Variants in NPVF observed in about 807,000 individuals in gnomAD.
NPVF encodes the protein pro-FMRFamide-related neuropeptide VF.
NPVF carries 17 observed loss-of-function variants against 15.7 expected under a neutral mutation model. That is an observed-to-expected ratio of 1.08 (90% CI 0.74 to 1.62). The LOEUF (loss-of-function observed/expected upper bound fraction) is 1.62, where lower values mean the gene tolerates loss of function less well. NPVF is among the 40% of genes most tolerant of loss of function. NPVF has a pLI of 0.00. For missense variants in NPVF, 270 were observed against 225.2 expected, an observed-to-expected ratio of 1.20 and a Z score of -1.27; for synonymous variants, 70 against 80.1, an observed-to-expected ratio of 0.87 and a Z score of 0.67.
At position 25,226,975 on chromosome 7, in the gene NPVF, C is replaced by A; in HGVS notation, c.190G>T (p.Asp64Tyr). ...ERSLNFEELKDWGPKNVIKMS... is the reference protein window; with the variant it reads ...ERSLNFEELKYWGPKNVIKMS... ...TTAATAACATTTTTTGGTCCCCAAT[C>A]TTTTAATTCCTCAAAATTGAGGCTT... The change falls in exon 2 of 3, where the codon GAT (aspartate) becomes TAT (tyrosine). Residue 64 changes from aspartate (D) to tyrosine (Y), a missense_variant. By Grantham distance (160) the Asp-to-Tyr change is radical. Transcript: ENST00000222674. The A allele has an allele frequency of 6.2e-7, 1 of 1,613,950 alleles. No homozygotes were observed. The highest frequency in any genetic ancestry group is 8.5e-7 in the Non-Finnish European group (1 of 1,179,930).
At chr7:25,225,969 G>T (rs540819720) in intron 2 of NPVF, among the ~76,000 whole-genome samples, 4 of 152,244 alleles carry the variant, frequency 2.6e-5, no homozygotes, top group African/African-American at 9.6e-5. Flanking sequence ...TCTCAGATAA[G>T]GTGACACAAT....
At chr7:25,228,245 T>C in intron 1 of NPVF, 57 bp downstream of exon 1, 2 of 1,148,574 alleles carry the variant, frequency 1.7e-6, no homozygotes, top group Non-Finnish European at 2.6e-6. Context: ...TCATTAGACT[T>C]AGGATTAATA....
chr7:25,228,197 C>G, intron 1 of NPVF, 105 bp downstream of exon 1: 3 of 802,650 alleles, frequency 3.7e-6, no homozygotes, highest in South Asian at 1.7e-5. Context: ...CACAAAAAAA[C>G]AGAGTACACA....
chr7:25,226,908 G>C lies in NPVF; in HGVS notation c.257C>G (p.Ala86Gly), dbSNP rs1562549596. ...PAVNKMPHSF[A>G]NLPLRFGRNV... is the part of the protein sequence containing the mutation. Reference sequence around the variant, plus strand: ...CCTCCCAAATCTCAATGGCAAGTTGGCGAAGGAGTGTGGCATTTTATTGAC... The same window carrying C: ...CCTCCCAAATCTCAATGGCAAGTTGCCGAAGGAGTGTGGCATTTTATTGAC... Residue 86 changes from alanine (A) to glycine (G), a missense_variant, in exon 2 of 3, where the codon GCC becomes GGC. Ala to Gly is a moderately conservative substitution (Grantham distance 60). Transcript: ENST00000222674. 1 of 1,614,138 alleles carries C rather than the reference G, an allele frequency of 6.2e-7. No individual in the cohort carries two copies. The highest frequency in any genetic ancestry group is 8.5e-7 in the Non-Finnish European group (1 of 1,180,032).
At position 25,226,643 on chromosome 7, in the gene NPVF, G is replaced by A. The variant is rs987837470; in HGVS notation, c.522C>T (p.Pro174=). The A allele has an allele frequency of 7.4e-6, 12 of 1,613,460 alleles. No homozygotes were observed. The highest frequency in any genetic ancestry group is 1.1e-5 in the South Asian group (1 of 91,022). ...GTATTTACCTTGACTGTTTTTGATCGGGATTCTGGATTTCTTGGTGCTGGC... is the reference window on the plus strand; with the variant it reads ...GTATTTACCTTGACTGTTTTTGATCAGGATTCTGGATTTCTTGGTGCTGGC... ...MTCQHQEIQN[P]DQKQSRRLLF... is the part of the protein sequence containing the mutation. Residue 174 remains proline (P), a synonymous_variant, in exon 2 of 3, where the codon CCC becomes CCT. Coordinates refer to ENST00000222674, the MANE Select transcript of NPVF (RefSeq NM_022150.3).
In NPVF at chr7:25,226,839, G is replaced by C. The variant is rs576519092; in HGVS notation, c.326C>G (p.Pro109Arg). The change falls in exon 2 of 3, where the codon CCT (proline) becomes CGT (arginine). Residue 109 changes from proline to arginine, a missense_variant. Coordinates refer to ENST00000222674, the MANE Select transcript of NPVF (RefSeq NM_022150.3). ...CTCCATATTTCTTCCAGATCTCAGA[G>C]GCAGGTTGGCTGTTGCTCCAGCACT... ...ERSAGATANL[P>R]LRSGRNMEVS... The C allele has an allele frequency of 1.9e-6, 3 of 1,614,146 alleles. No individual in the cohort carries two copies. Among genetic ancestry groups the C allele is most frequent in the South Asian group, 2.2e-5 (2 of 91,072 alleles).
intron 1 of NPVF, among the ~76,000 whole-genome samples, 171 bp from the exon 2 acceptor site, chr7:25,227,197 C>A (rs1359186184): frequency 2.0e-5 from 3 of 152,086 alleles, no homozygotes; most frequent in African/African-American, 7.2e-5. Flanking sequence ...CTTTTTAAAG[C>A]AATATAGTTT....
At chr7:25,225,220 C>A in intron 2 of NPVF, 47 bp from the exon 3 acceptor site, 1 of 1,442,308 alleles carries the variant, frequency 6.9e-7, no homozygotes. Flanking sequence ...AGAACAACAG[C>A]ATGCAAGTGT....
rs1425062072 is a variant in NPVF at position 25,228,306 on chromosome 7, G to T, written c.134C>A (p.Ser45Tyr). ...LHSKENYDKY[S>Y]EPRGYPKGER... ...AGAGAGATTTAAAAAACTTACCTCA[G>T]AATATTTGTCATAATTTTCTTTGCT... The change falls in exon 1 of 3, where the codon TCT becomes TAT. Residue 45 changes from serine (S) to tyrosine (Y), a missense_variant. Ser to Tyr is a moderately radical substitution (Grantham distance 144). Transcript: ENST00000222674. The T allele has an allele frequency of 6.8e-7, 1 of 1,472,494 alleles. No individual in the cohort carries two copies. Among genetic ancestry groups the T allele is most frequent in the South Asian group, 1.2e-5 (1 of 86,854 alleles). 91.2% of individuals were successfully genotyped at this position (1,472,494 alleles called of 1,614,324 possible).
Position 25,226,631 on chromosome 7 carries a change from C to T in NPVF, c.534G>A (p.Gln178=). ...ACTGGTTTCCAGGTATTTACCTTGA[C>T]TGTTTTTGATCGGGATTCTGGATTT... The part of the protein sequence containing the change: ...HQEIQNPDQK[Q]SRRLLFKKID... The change falls in exon 2 of 3, where the codon CAG becomes CAA. Residue 178 remains glutamine (Q), a synonymous_variant. Coordinates refer to ENST00000222674, the MANE Select transcript of NPVF (RefSeq NM_022150.3). 6.2e-7 allele frequency: 1 copy of T among 1,613,038 alleles called. No homozygotes were observed. Among genetic ancestry groups the T allele is most frequent in the Non-Finnish European group, 8.5e-7 (1 of 1,179,130 alleles).
At position 25,228,308 on chromosome 7, in the gene NPVF, A is replaced by C; in HGVS notation, c.132T>G (p.Tyr44Ter). Residue 44 changes from tyrosine to a stop codon, truncating the protein, a stop_gained, in exon 1 of 3, where the codon TAT becomes TAG. Transcript: ENST00000222674. LOFTEE classifies it high-confidence loss of function. ...NLHSKENYDK[Y>*]SEPRGYPKGE... ...AGAGATTTAAAAAACTTACCTCAGA[A>C]TATTTGTCATAATTTTCTTTGCTGT... The C allele has an allele frequency of 6.8e-7, 1 of 1,477,694 alleles. No homozygotes were observed. The highest frequency in any genetic ancestry group is 9.4e-7 in the Non-Finnish European group (1 of 1,059,920). 91.5% of individuals were successfully genotyped at this position (1,477,694 alleles called of 1,614,324 possible).
At chr7:25,228,071 A>ATGCT (rs747672374) in intron 1 of NPVF, among the ~76,000 whole-genome samples, 19 of 152,224 alleles carry the variant, frequency 1.2e-4, no homozygotes, top group Non-Finnish European at 2.6e-4. Flanking sequence ...AATGCGCTGT[A>ATGCT]TGCTTGCTAA....
At chr7:25,227,127 T>G in intron 1 of NPVF, 101 bp from the exon 2 acceptor site, 2 of 1,060,306 alleles carry the variant, frequency 1.9e-6, no homozygotes, top group Non-Finnish European at 2.7e-6. Context: ...GCAGAATTGT[T>G]AAAGCTATAA....
Position 25,226,969 on chromosome 7 carries a change from C to T in NPVF, c.196G>A (p.Gly66Arg). The change falls in exon 2 of 3, where the codon GGA becomes AGA. Residue 66 changes from glycine to arginine, a missense_variant. By Grantham distance (125) the Gly-to-Arg change is moderately radical (BLOSUM62 -2). Transcript: ENST00000222674. ...CTCATCTTAATAACATTTTTTGGTC[C>T]CCAATCTTTTAATTCCTCAAAATTG... ...SLNFEELKDW[G>R]PKNVIKMSTP... The T allele has an allele frequency of 6.2e-7, 1 of 1,613,928 alleles. No homozygotes were observed. Among genetic ancestry groups the T allele is most frequent in the East Asian group, 2.2e-5 (1 of 44,876 alleles).
chr7:25,228,256 T>A (rs751114047), intron 1 of NPVF, 46 bp downstream of exon 1: 7 of 1,177,696 alleles, frequency 5.9e-6, no homozygotes, highest in Non-Finnish European at 8.7e-6. Flanking sequence ...AGGATTAATA[T>A]TATGTAATTA....
rs1783138480 is a variant in NPVF at position 25,226,954 on chromosome 7, T to C, written c.211A>G (p.Ile71Val). Residue 71 changes from isoleucine (I) to valine (V), a missense_variant, in exon 2 of 3, where the codon ATT becomes GTT. Transcript: ENST00000222674. ...ELKDWGPKNV[I>V]KMSTPAVNKM... ...TTGACTGCAGGTGTACTCATCTTAATAACATTTTTTGGTCCCCAATCTTTT... is the reference window on the plus strand; with the variant it reads ...TTGACTGCAGGTGTACTCATCTTAACAACATTTTTTGGTCCCCAATCTTTT... 7 of 1,544,534 alleles carry C rather than the reference T, an allele frequency of 4.5e-6. No individual in the cohort carries two copies. The highest frequency in any genetic ancestry group is 6.1e-6 in the Non-Finnish European group (7 of 1,143,002).
rs1262775242 is a variant in NPVF, at chr7:25,225,105, G to C, written c.*17C>G. On this transcript the variant is annotated 3_prime_UTR_variant, in exon 3 of 3. Transcript: ENST00000222674. ...GTAGATTACAGGCCACAGCTTTAGGGACAGGCTCCAGGTTTCTTATTTTTC... is the reference window on the plus strand; with the variant it reads ...GTAGATTACAGGCCACAGCTTTAGGCACAGGCTCCAGGTTTCTTATTTTTC... 1 of 1,610,914 alleles carries C rather than the reference G, an allele frequency of 6.2e-7. No individual in the cohort carries two copies. Among genetic ancestry groups the C allele is most frequent in the Admixed American group, 1.7e-5 (1 of 59,694 alleles).
At chr7:25,225,468 C>T (rs1433741633) in intron 2 of NPVF, among the ~76,000 whole-genome samples, 1 of 152,214 alleles carries the variant, frequency 6.6e-6, no homozygotes, top group Non-Finnish European at 1.5e-5. Context: ...CAGTGGTTCT[C>T]CCTCTCCTGA....
At chr7:25,227,253 A>G (rs1010850493) in intron 1 of NPVF, among the ~76,000 whole-genome samples, 1 of 152,194 alleles carries the variant, frequency 6.6e-6, no homozygotes, top group African/African-American at 2.4e-5. Context: ...TATTTATAAA[A>G]TATATATAGT....
Sources: gnomAD v4.1 joint callset for allele counts (sites outside exome capture counted in the v4.1 genomes callset) on GRCh38, gnomAD v4.1.1 for gene constraint, MANE v1.5 for transcripts, NCBI Gene and HGNC (gene_info 2026-07-23, HGNC 2026-07-21) for gene names.